LY96: variants seen among roughly 807,000 people sequenced by gnomAD.
The protein encoded by LY96 is myeloid differentiation protein-2.
A neutral mutation model predicts 18.9 loss-of-function variants in LY96; 18 were observed. The ratio of observed to expected loss-of-function variants is 0.95; its 90% confidence interval spans 0.66 to 1.41. The LOEUF is 1.41. Ranked by LOEUF, LY96 falls within the 40% of genes most tolerant of loss-of-function variation. The pLI, the probability that LY96 is intolerant of heterozygous loss-of-function variation, is 0.00. For synonymous variants in LY96, 66 were observed against 62.6 expected (o/e 1.06, Z -0.26); for missense variants, 175 against 182.4 (o/e 0.96, Z 0.23).
At chr8:74,017,844 C>A (rs893778115) in intron 3 of LY96, among the ~76,000 whole-genome samples, 1 of 152,148 alleles carries the variant, frequency 6.6e-6, no homozygotes, top group Non-Finnish European at 1.5e-5. Flanking sequence ...TACAGACAAG[C>A]AAATGCTGAG....
chr8:74,080,516 T>A, the LY96 span, among the ~76,000 whole-genome samples: 1 of 152,164 alleles, frequency 6.6e-6, no homozygotes, highest in African/African-American at 2.4e-5. Context: ...GTAGAAGAAT[T>A]TGGAATTGAA....
At chr8:74,095,515 C>T in the LY96 span, among the ~76,000 whole-genome samples, 1 of 152,188 alleles carries the variant, frequency 6.6e-6, no homozygotes, top group Admixed American at 6.5e-5. Flanking sequence ...TTCCATGAAA[C>T]TGCTCGTGAA....
chr8:74,058,499 T>C, the LY96 span, among the ~76,000 whole-genome samples: 1 of 151,608 alleles, frequency 6.6e-6, no homozygotes, highest in African/African-American at 2.4e-5. Flanking sequence ...TATCTACACC[T>C]ATCTATCTAT....
At chr8:74,009,590 C>A (rs1009887572) in intron 2 of LY96, among the ~76,000 whole-genome samples, 2 of 152,066 alleles carry the variant, frequency 1.3e-5, no homozygotes, top group Non-Finnish European at 2.9e-5. Context: ...CTATTTTATT[C>A]TCAAGAAATC....
the LY96 span, among the ~76,000 whole-genome samples, chr8:74,053,156 G>A: frequency 2.0e-5 from 3 of 152,128 alleles, no homozygotes; most frequent in African/African-American, 7.2e-5. Context: ...AGGAAGGTGG[G>A]CATGAGCCCT....
rs1426752316 is a variant in LY96 at position 74,026,799 on chromosome 8, T to C, written c.342T>C (p.Asn114=). 6.5e-7 allele frequency: 1 copy of C among 1,531,350 alleles called. No homozygotes were observed. The highest frequency in any genetic ancestry group is 9.0e-7 in the Non-Finnish European group (1 of 1,105,374). The allele number at this position is 1,531,350 out of a possible 1,614,324, so 94.9% of individuals were successfully genotyped here. A position where few individuals can be genotyped will look rare whatever the true frequency, so the allele number is the denominator to read the frequency against. The change falls in exon 4 of 5, where the codon AAT becomes AAC. Residue 114 remains asparagine, a synonymous_variant. Coordinates refer to ENST00000284818, the MANE Select transcript of LY96 (RefSeq NM_015364.5). ...ATATTTTGTTTGCAGAGACTGTGAATACAACAATATCATTCTCCTTCAAGG... is the reference window on the plus strand; with the variant it reads ...ATATTTTGTTTGCAGAGACTGTGAACACAACAATATCATTCTCCTTCAAGG... ...FCRALKGETV[N]TTISFSFKGI...
chr8:74,055,167 C>T, the LY96 span, among the ~76,000 whole-genome samples: 1 of 152,166 alleles, frequency 6.6e-6, no homozygotes, highest in Non-Finnish European at 1.5e-5. Context: ...CTTAGCCTCC[C>T]AAAGTGCTGG....
At chr8:74,089,019 G>C in the LY96 span, among the ~76,000 whole-genome samples, 1 of 152,208 alleles carries the variant, frequency 6.6e-6, no homozygotes, top group Non-Finnish European at 1.5e-5. Context: ...GTGAGAGGGG[G>C]AGATGGGGTG....
chr8:74,072,141 T>C, the LY96 span, among the ~76,000 whole-genome samples: 1 of 152,164 alleles, frequency 6.6e-6, no homozygotes, highest in Non-Finnish European at 1.5e-5. Context: ...CTACCATCCA[T>C]TGATCTATAT....
chr8:73,999,047 T>G (rs1191183861), intron 1 of LY96, among the ~76,000 whole-genome samples: 1 of 151,954 alleles, frequency 6.6e-6, no homozygotes, highest in Non-Finnish European at 1.5e-5. Flanking sequence ...CTCAGCTCAC[T>G]GTAGCCTCCA....
chr8:74,032,632 G>A (rs1187102717), downstream of LY96, among the ~76,000 whole-genome samples: 1 of 152,242 alleles, frequency 6.6e-6, no homozygotes, highest in African/African-American at 2.4e-5. Context: ...GGTGCTTCCA[G>A]CTGAATAAAG....
the LY96 span, among the ~76,000 whole-genome samples, chr8:74,070,074 T>A: frequency 2.0e-5 from 3 of 152,100 alleles, no homozygotes; most frequent in Admixed American, 6.6e-5. Flanking sequence ...AATGCTTAAA[T>A]CTTTCCCTTT....
chr8:74,058,351 TA>T, the LY96 span, among the ~76,000 whole-genome samples: 1 of 152,156 alleles, frequency 6.6e-6, no homozygotes, highest in African/African-American at 2.4e-5. Context: ...ACCTTAAACC[TA>T]AACTTTCTGC....
chr8:74,054,157 A>AGCTG, the LY96 span, among the ~76,000 whole-genome samples: 1 of 152,172 alleles, frequency 6.6e-6, no homozygotes, highest in African/African-American at 2.4e-5. Context: ...GCTCCTGAGT[A>AGCTG]GCTGGGCCAC....
chr8:74,096,843 C>G, the LY96 span, among the ~76,000 whole-genome samples: 1 of 152,162 alleles, frequency 6.6e-6, no homozygotes, highest in Non-Finnish European at 1.5e-5. Flanking sequence ...ACTTCTCTCT[C>G]AAGCCTTTGA....
At chr8:73,996,224 A>T (rs1816121858) in intron 1 of LY96, among the ~76,000 whole-genome samples, 1 of 152,076 alleles carries the variant, frequency 6.6e-6, no homozygotes, top group South Asian at 2.1e-4. Flanking sequence ...GGCCAGTCCC[A>T]ACCCCTGGGC....
intron 3 of LY96, among the ~76,000 whole-genome samples, chr8:74,011,733 C>A (rs1321410491): frequency 6.6e-6 from 1 of 152,046 alleles, no homozygotes; most frequent in Non-Finnish European, 1.5e-5. Context: ...GTGGCATGCG[C>A]CTGTAGTCCC....
chr8:74,071,452 A>G, the LY96 span, among the ~76,000 whole-genome samples: 1 of 151,902 alleles, frequency 6.6e-6, no homozygotes, highest in East Asian at 1.9e-4. Context: ...AGTTGAACCC[A>G]TCTGACTCCA....
At position 74,026,822 on chromosome 8, in the gene LY96, A is replaced by T; in HGVS notation, c.365A>T (p.Lys122Met). 6.5e-7 allele frequency: 1 copy of T among 1,526,998 alleles called. No homozygotes were observed. Among genetic ancestry groups the T allele is most frequent in the Non-Finnish European group, 9.1e-7 (1 of 1,101,538 alleles). 94.6% of individuals were successfully genotyped at this position (1,526,998 alleles called of 1,614,324 possible). Residue 122 changes from lysine (K) to methionine (M), a missense_variant, in exon 4 of 5, where the codon AAG becomes ATG. Coordinates refer to ENST00000284818, the MANE Select transcript of LY96 (RefSeq NM_015364.5). ...AATACAACAATATCATTCTCCTTCA[A>T]GGGAATAAAATTTTCTAAGGTATTG... ...TVNTTISFSF[K>M]GIKFSKGKYK...
Sources: gnomAD v4.1 joint callset for allele counts (sites outside exome capture counted in the v4.1 genomes callset) on GRCh38, gnomAD v4.1.1 for gene constraint, MANE v1.5 for transcripts, NCBI Gene and HGNC (gene_info 2026-07-23, HGNC 2026-07-21) for gene names.